The following BTNL8 variants were observed in gnomAD, a reference collection of about 807,000 sequenced individuals.
BTNL8 encodes the protein butyrophilin-like protein 8.
In BTNL8, 22 loss-of-function variants were observed where a neutral mutation model predicts 36.1. That is an observed-to-expected ratio of 0.61 (90% CI 0.44 to 0.87). The LOEUF (loss-of-function observed/expected upper bound fraction) is 0.87, where lower values mean the gene tolerates loss of function less well. Ranked by LOEUF, BTNL8 falls within the 40% of genes least tolerant of loss-of-function variation. BTNL8 has a pLI of 0.00. For synonymous variants in BTNL8, 203 were observed against 235.6 expected, an observed-to-expected ratio of 0.86 and a Z score of 1.27; for missense variants, 526 against 616.9, an observed-to-expected ratio of 0.85 and a Z score of 1.56.
intron 3 of BTNL8, among the ~76,000 whole-genome samples, chr5:180,912,252 G>T (rs539364901): frequency 6.6e-6 from 1 of 152,072 alleles, no homozygotes; most frequent in Non-Finnish European, 1.5e-5. Context: ...TGGTTTCAAC[G>T]TAAATGAACC....
intron 1 of BTNL8, among the ~76,000 whole-genome samples, chr5:180,908,059 G>A (rs1757182503): frequency 6.6e-6 from 1 of 152,070 alleles, no homozygotes; most frequent in South Asian, 2.1e-4. Context: ...AGTTGGAGCT[G>A]CTTTGTTTAC....
chr5:180,941,917 T>TTTTTTTTTTTTTTTTTTTTTTTTGA (rs1430901477), intron 3 of BTNL8, among the ~76,000 whole-genome samples: 1 of 151,368 alleles, frequency 6.6e-6, no homozygotes, highest in Admixed American at 6.6e-5. Flanking sequence ...CTACTCTTAT[T>TTTTTTTTTTTTTTTTTTTTTTTTGA]CAACAAAGTA....
In BTNL8 at chr5:180,935,506, G is replaced by A. The variant is rs928673347; in HGVS notation, c.674-12006G>A. On this transcript the variant is annotated intron_variant, in intron 3 of 7. Coordinates refer to ENST00000340184, the MANE Select transcript of BTNL8 (RefSeq NM_001040462.3). This position sits in a 1 kb window ranked among gnomAD's most constrained non-coding sequence, Gnocchi z 4.8. ...GCTGGGCACAACAGTGCCCGGACTCGGCTACAACTTTGCTTTGCACTGGAG... is the reference window on the plus strand; with the variant it reads ...GCTGGGCACAACAGTGCCCGGACTCAGCTACAACTTTGCTTTGCACTGGAG... Among the ~76,000 whole-genome samples the A allele has an allele frequency of 2.6e-5, 4 of 152,216 alleles. No individual in the cohort carries two copies. The highest frequency in any genetic ancestry group is 5.9e-5 in the Non-Finnish European group (4 of 68,036).
chr5:180,920,186 C>T (rs1423320525), intron 3 of BTNL8, among the ~76,000 whole-genome samples: 2 of 151,986 alleles, frequency 1.3e-5, no homozygotes, highest in Admixed American at 1.3e-4. Context: ...GCAAAGACTG[C>T]AAAGACTTTT....
intron 3 of BTNL8, among the ~76,000 whole-genome samples, chr5:180,940,343 GAA>G (rs201333207): frequency 3.8e-4 from 48 of 126,302 alleles, no homozygotes; most frequent in Admixed American, 5.5e-4. Context: ...CATCTCAGAG[GAA>G]AAAAAAAAAA....
At chr5:180,905,212 T>C (rs1757024360) in intron 1 of BTNL8, among the ~76,000 whole-genome samples, 1 of 151,380 alleles carries the variant, frequency 6.6e-6, no homozygotes, top group African/African-American at 2.4e-5. Context: ...GCTCCTGTTA[T>C]TGGTCGATTC....
chr5:180,933,793 G>A (rs745824871), intron 3 of BTNL8, among the ~76,000 whole-genome samples: 7 of 152,102 alleles, frequency 4.6e-5, no homozygotes, highest in Non-Finnish European at 1.0e-4. Flanking sequence ...GACTGACTTA[G>A]TAATAAAAAT....
chr5:180,911,296 G>A (rs774635510), intron 2 of BTNL8, 43 bp from the exon 3 acceptor site: 25 of 1,602,450 alleles, frequency 1.6e-5, no homozygotes, highest in Non-Finnish European at 2.0e-5. Flanking sequence ...TGTGGCTTTG[G>A]GATGTGATCT....
chr5:180,948,463 G>A (rs1759383608), intron 5 of BTNL8, 88 bp downstream of exon 5: 2 of 1,605,792 alleles, frequency 1.2e-6, no homozygotes, highest in East Asian at 2.3e-5. Flanking sequence ...GACGACCCTG[G>A]CTGCAGGCTG....
rs756739021 is a variant in BTNL8 at position 180,911,367 on chromosome 5, C to T, written c.426C>T (p.Ile142=). ...TGGGCTCAGTTCCTCTCATTTCCAT[C>T]ACGGGATATGTTGATAGAGACATCC... ...SALGSVPLIS[I]TGYVDRDIQL... is the part of the protein sequence containing the mutation. Residue 142 remains isoleucine (I), a synonymous_variant, in exon 3 of 8, where the codon ATC becomes ATT. Transcript: ENST00000340184. 3.1e-6 allele frequency: 5 copies of T among 1,614,172 alleles called. No individual in the cohort carries two copies. The highest frequency in any genetic ancestry group is 4.5e-5 in the East Asian group (2 of 44,886).
At chr5:180,915,559 G>A (rs944086633) in intron 3 of BTNL8, among the ~76,000 whole-genome samples, 1 of 152,214 alleles carries the variant, frequency 6.6e-6, no homozygotes, top group African/African-American at 2.4e-5. Context: ...GAGACTTCCA[G>A]AGTATCTAGC....
intron 3 of BTNL8, among the ~76,000 whole-genome samples, chr5:180,916,248 A>C (rs1164254180): frequency 6.6e-6 from 1 of 152,238 alleles, no homozygotes; most frequent in Non-Finnish European, 1.5e-5. Flanking sequence ...TTAAGTTTTC[A>C]ACACATAAAC....
intron 1 of BTNL8, chr5:180,902,380 G>T (rs1756858850): frequency 6.4e-7 from 1 of 1,551,096 alleles, no homozygotes; most frequent in Non-Finnish European, 8.7e-7. Context: ...AACTGATGTG[G>T]ACATGGTTTG....
chr5:180,899,569 G>A lies in BTNL8; in HGVS notation c.49+210G>A, dbSNP rs144130445. On this transcript the variant is annotated intron_variant, in intron 1 of 7. Transcript: ENST00000340184. ...CGGGTGTTGAAGACGCACCGTGATC[G>A]TTGACGGGGACACACCTAACGTGTT... Among the ~76,000 whole-genome samples, 437 of 152,308 alleles carry A rather than the reference G, an allele frequency of 2.9e-3. 2 individuals are homozygous for A. The highest frequency in any genetic ancestry group is 0.011 in the East Asian group (57 of 5,188).
At chr5:180,917,824 C>T (rs1322499029) in intron 3 of BTNL8, among the ~76,000 whole-genome samples, 2 of 151,346 alleles carry the variant, frequency 1.3e-5, no homozygotes, top group East Asian at 1.9e-4. Flanking sequence ...GTCAGGAGAT[C>T]GAGACCATCC....
chr5:180,925,735 G>C (rs1034997698), intron 3 of BTNL8, among the ~76,000 whole-genome samples: 1 of 152,070 alleles, frequency 6.6e-6, no homozygotes, highest in Non-Finnish European at 1.5e-5. Context: ...ATAATATATA[G>C]TCATATTCAG....
chr5:180,914,559 C>G (rs1386020923), intron 3 of BTNL8, among the ~76,000 whole-genome samples: 1 of 152,062 alleles, frequency 6.6e-6, no homozygotes, highest in East Asian at 1.9e-4. Flanking sequence ...TTGAAACTTT[C>G]AAAACATACT....
At chr5:180,939,994 G>A (rs1758847957) in intron 3 of BTNL8, among the ~76,000 whole-genome samples, 1 of 152,080 alleles carries the variant, frequency 6.6e-6, no homozygotes, top group African/African-American at 2.4e-5. Context: ...ACAACCATTG[G>A]CTTAATGCAG....
At chr5:180,929,709 T>C (rs1758279409) in intron 3 of BTNL8, among the ~76,000 whole-genome samples, 2 of 152,032 alleles carry the variant, frequency 1.3e-5, no homozygotes, top group East Asian at 3.9e-4. Flanking sequence ...AACTAGAAAA[T>C]CTAGAAGAAA....
Sources: gnomAD v4.1 joint callset for allele counts (sites outside exome capture counted in the v4.1 genomes callset) on GRCh38, gnomAD v4.1.1 for gene constraint, Gnocchi (gnomAD v3.1) non-coding constraint, MANE v1.5 for transcripts, NCBI Gene and HGNC (gene_info 2026-07-23, HGNC 2026-07-21) for gene names.